Variants in SORCS3 observed in about 807,000 individuals in gnomAD.
SORCS3 encodes the protein sortilin related VPS10 domain containing receptor 3, also known as VPS10 domain-containing receptor SorCS3.
SORCS3 carries 57 observed loss-of-function variants against 146.3 expected under a neutral mutation model. That is an observed-to-expected ratio of 0.39 (90% CI 0.31 to 0.49). The LOEUF (loss-of-function observed/expected upper bound fraction) is 0.49. SORCS3 is among the 20% of genes least tolerant of loss of function. SORCS3 has a pLI of 0.92. For missense variants in SORCS3, 1,341 were observed against 1,575.5 expected (o/e 0.85, Z 2.52); for synonymous variants, 653 against 618.5 (o/e 1.06, Z -0.83).
chr10:105,203,107 T>C (rs1167171664), intron 16 of SORCS3, among the ~76,000 whole-genome samples: 1 of 152,194 alleles, frequency 6.6e-6, no homozygotes. Flanking sequence ...TTTCCCACTT[T>C]CTGCTAGGAA....
At chr10:104,880,324 C>T (rs1402737207) in intron 2 of SORCS3, among the ~76,000 whole-genome samples, 1 of 152,152 alleles carries the variant, frequency 6.6e-6, no homozygotes, top group Non-Finnish European at 1.5e-5. Flanking sequence ...GTTTCCCTTC[C>T]CTCCTCAGTC....
At chr10:104,959,213 G>C (rs906720375) in intron 3 of SORCS3, among the ~76,000 whole-genome samples, 1 of 151,904 alleles carries the variant, frequency 6.6e-6, no homozygotes, top group African/African-American at 2.4e-5. Context: ...GAAATTAATA[G>C]AGGGGATACT....
intron 5 of SORCS3, among the ~76,000 whole-genome samples, chr10:105,064,407 A>T (rs915334727): frequency 6.6e-6 from 1 of 152,158 alleles, no homozygotes; most frequent in African/African-American, 2.4e-5. Flanking sequence ...ATATAGATGG[A>T]TGAGAGGGAA....
chr10:104,738,361 A>G (rs1223668996), intron 1 of SORCS3, among the ~76,000 whole-genome samples: 1 of 152,194 alleles, frequency 6.6e-6, no homozygotes, highest in Non-Finnish European at 1.5e-5. Context: ...CATATCCATG[A>G]CATTTTATAT....
intron 5 of SORCS3, among the ~76,000 whole-genome samples, chr10:105,078,416 G>A (rs1015834441): frequency 7.9e-5 from 12 of 151,974 alleles, no homozygotes; most frequent in Admixed American, 4.6e-4. Flanking sequence ...TAAAGGTGGC[G>A]TGAGATAGAC....
chr10:105,196,693 C>G (rs2056546090), intron 14 of SORCS3, among the ~76,000 whole-genome samples: 1 of 152,142 alleles, frequency 6.6e-6, no homozygotes, highest in African/African-American at 2.4e-5. Flanking sequence ...AGAATATCAA[C>G]CTGCTGCTCT....
intron 20 of SORCS3, among the ~76,000 whole-genome samples, chr10:105,244,744 A>G (rs1311663919): frequency 6.6e-6 from 1 of 152,166 alleles, no homozygotes; most frequent in Non-Finnish European, 1.5e-5. Context: ...CTGATGGTGC[A>G]TCTAATTTAC....
At chr10:105,131,448 TA>T (rs1447008248) in intron 7 of SORCS3, among the ~76,000 whole-genome samples, 1 of 152,174 alleles carries the variant, frequency 6.6e-6, no homozygotes, top group Non-Finnish European at 1.5e-5. Context: ...AGCTCTCGTG[TA>T]AGCCCAATTA....
At chr10:104,960,129 T>C (rs2054785514) in intron 3 of SORCS3, among the ~76,000 whole-genome samples, 1 of 152,184 alleles carries the variant, frequency 6.6e-6, no homozygotes, top group Non-Finnish European at 1.5e-5. Flanking sequence ...TACTGGGCAA[T>C]GCAATGTTCC....
intron 2 of SORCS3, among the ~76,000 whole-genome samples, chr10:104,855,976 T>C (rs1589524907): frequency 6.6e-6 from 1 of 152,088 alleles, no homozygotes; most frequent in Non-Finnish European, 1.5e-5. Flanking sequence ...GCTCAAGTGA[T>C]CCTCCTGCCT....
intron 2 of SORCS3, among the ~76,000 whole-genome samples, chr10:104,911,785 C>T (rs1405297117): frequency 6.6e-6 from 1 of 152,118 alleles, no homozygotes; most frequent in Non-Finnish European, 1.5e-5. Flanking sequence ...CTAGGCTCCC[C>T]TGCTTGGGCA....
At chr10:104,910,423 TA>T (rs536639186) in intron 2 of SORCS3, among the ~76,000 whole-genome samples, 4 of 151,728 alleles carry the variant, frequency 2.6e-5, no homozygotes, top group African/African-American at 9.7e-5. Context: ...AATAGCAAAT[TA>T]AAAAAAATAC....
At chr10:104,664,406 T>C (rs1016449966) in intron 1 of SORCS3, among the ~76,000 whole-genome samples, 1 of 152,232 alleles carries the variant, frequency 6.6e-6, no homozygotes, top group Admixed American at 6.5e-5. Flanking sequence ...GCTGCTTCAC[T>C]GAGTTAGAAT....
intron 1 of SORCS3, among the ~76,000 whole-genome samples, chr10:104,834,138 G>C (rs1424564715): frequency 6.6e-6 from 1 of 152,140 alleles, no homozygotes; most frequent in Non-Finnish European, 1.5e-5. Context: ...AGTCTACACT[G>C]CATTTCCCCT....
At chr10:105,201,062 G>A in intron 15 of SORCS3, 58 bp from the exon 16 acceptor site, 4 of 1,587,660 alleles carry the variant, frequency 2.5e-6, no homozygotes, top group South Asian at 1.2e-5. Context: ...TTGACAACTG[G>A]TTTATTTCAC....
chr10:104,944,574 G>A (rs1230838108), intron 3 of SORCS3, among the ~76,000 whole-genome samples: 1 of 152,078 alleles, frequency 6.6e-6, no homozygotes, highest in South Asian at 2.1e-4. Context: ...CACCACAGAA[G>A]GTATCTTAAT....
intron 6 of SORCS3, among the ~76,000 whole-genome samples, chr10:105,104,947 T>C (rs951890791): frequency 2.6e-5 from 4 of 152,280 alleles, no homozygotes; most frequent in African/African-American, 9.6e-5. Flanking sequence ...CTATTTCTAA[T>C]TTTTTACTAC....
At chr10:104,967,663 T>G (rs1313266182) in intron 3 of SORCS3, among the ~76,000 whole-genome samples, 1 of 152,092 alleles carries the variant, frequency 6.6e-6, no homozygotes, top group Non-Finnish European at 1.5e-5. Context: ...AGTTGTGCTC[T>G]TATCCTAGAT....
chr10:104,653,294 C>T (rs1231838579), intron 1 of SORCS3, among the ~76,000 whole-genome samples: 3 of 152,176 alleles, frequency 2.0e-5, no homozygotes, highest in Admixed American at 2.0e-4. Flanking sequence ...TATGCTATTT[C>T]ACCATAGTAC....
Sources: gnomAD v4.1 joint callset for allele counts (sites outside exome capture counted in the v4.1 genomes callset) on GRCh38, gnomAD v4.1.1 for gene constraint, MANE v1.5 for transcripts, NCBI Gene and HGNC (gene_info 2026-07-23, HGNC 2026-07-21) for gene names.